The following PDE3B variants were observed in gnomAD, a reference collection of about 807,000 sequenced individuals.
PDE3B encodes cGMP-inhibited 3',5'-cyclic phosphodiesterase 3B.
Under a neutral mutation model 116.8 loss-of-function variants are expected in PDE3B, and 66 were observed. The observed-to-expected ratio is 0.56, with a 90% confidence interval of 0.46 to 0.69. The LOEUF (loss-of-function observed/expected upper bound fraction) is 0.69, where lower values mean the gene tolerates loss of function less well. Ranked by LOEUF, PDE3B falls within the 30% of genes least tolerant of loss-of-function variation. PDE3B has a pLI of 0.00. For missense variants in PDE3B, 1,384 were observed against 1,368.1 expected (o/e 1.01, Z -0.18); for synonymous variants, 595 against 533.6 (o/e 1.12, Z -1.59).
At chr11:14,821,680 C>T (rs1334746639) in intron 7 of PDE3B, among the ~76,000 whole-genome samples, 1 of 152,068 alleles carries the variant, frequency 6.6e-6, no homozygotes, top group Non-Finnish European at 1.5e-5. Flanking sequence ...ATTTTCTAAA[C>T]AGTAATACTT....
the PDE3B span, among the ~76,000 whole-genome samples, chr11:14,895,009 AACAGAGAACAGCAATGCTG>A: frequency 6.6e-6 from 1 of 152,232 alleles, no homozygotes; most frequent in Non-Finnish European, 1.5e-5. Context: ...TAATGGTTCT[AACAGAGAACAGCAATGCTG>A]TGCCAGAATC....
At position 14,644,657 on chromosome 11, in the gene PDE3B, G is replaced by T; in HGVS notation, c.582G>T (p.Ala194=). The change falls in exon 1 of 16, where the codon GCG becomes GCT. Residue 194 remains alanine, a synonymous_variant. Transcript: ENST00000282096. ...AAPHTPPEAA[A]GRLLLVLSCV... The stretch of plus-strand genomic sequence containing the variant: ...CGCACACGCCCCCGGAGGCGGCAGC[G>T]GGCAGGTTGCTGCTGGTGCTGAGCT... 1 of 1,499,308 alleles carries T rather than the reference G, an allele frequency of 6.7e-7. No homozygotes were observed. Among genetic ancestry groups the T allele is most frequent in the Non-Finnish European group, 8.9e-7 (1 of 1,128,014 alleles). The allele number at this position is 1,499,308 out of a possible 1,614,324, so 92.9% of individuals were successfully genotyped here. A position where few individuals can be genotyped will look rare whatever the true frequency, so the allele number is the denominator to read the frequency against.
chr11:14,721,569 A>G (rs1379569233), intron 1 of PDE3B, among the ~76,000 whole-genome samples: 4 of 151,266 alleles, frequency 2.6e-5, no homozygotes, highest in African/African-American at 9.8e-5. Context: ...TGTGGCACAT[A>G]TACACCATGG....
chr11:14,738,306 C>G (rs1856661008), intron 1 of PDE3B, among the ~76,000 whole-genome samples: 1 of 152,210 alleles, frequency 6.6e-6, no homozygotes, highest in Non-Finnish European at 1.5e-5. Context: ...TTAGTGATCG[C>G]CATTCTAACT....
intron 12 of PDE3B, among the ~76,000 whole-genome samples, chr11:14,846,150 A>T (rs1408989617): frequency 6.6e-6 from 1 of 152,180 alleles, no homozygotes. Context: ...CTCAGCAGAA[A>T]CTCTACAAGC....
At chr11:14,850,039 G>A (rs973755622) in intron 12 of PDE3B, among the ~76,000 whole-genome samples, 8 of 152,050 alleles carry the variant, frequency 5.3e-5, no homozygotes, top group African/African-American at 9.7e-5. Context: ...ACATGCACAC[G>A]TATGTTTATT....
At chr11:14,790,953 G>A (rs959815604) in intron 4 of PDE3B, among the ~76,000 whole-genome samples, 1 of 152,050 alleles carries the variant, frequency 6.6e-6, no homozygotes, top group Non-Finnish European at 1.5e-5. Context: ...GATGGAAATA[G>A]TTTATATCTG....
chr11:14,868,607 A>T (rs1848090018), intron 15 of PDE3B, among the ~76,000 whole-genome samples: 1 of 152,198 alleles, frequency 6.6e-6, no homozygotes, highest in South Asian at 2.1e-4. Context: ...GAATGAAATC[A>T]GTTATTTGCT....
chr11:14,850,380 C>T (rs957837133), intron 12 of PDE3B, among the ~76,000 whole-genome samples: 4 of 151,932 alleles, frequency 2.6e-5, no homozygotes, highest in Non-Finnish European at 2.9e-5. Flanking sequence ...GGAGATATAC[C>T]TAATGCTAAA....
intron 12 of PDE3B, 52 bp downstream of exon 12, chr11:14,844,078 A>G: frequency 1.5e-6 from 2 of 1,293,264 alleles, no homozygotes; most frequent in Middle Eastern, 1.8e-4. Flanking sequence ...ATTTTCAGTC[A>G]TGCTGTGTAT....
At chr11:14,840,149 G>T (rs1860177432) in intron 11 of PDE3B, among the ~76,000 whole-genome samples, 1 of 152,116 alleles carries the variant, frequency 6.6e-6, no homozygotes, top group African/African-American at 2.4e-5. Context: ...CCATCTGACT[G>T]CCAAAAGAAA....
chr11:14,787,058 TATC>T (rs927746924), intron 3 of PDE3B, among the ~76,000 whole-genome samples: 6 of 152,046 alleles, frequency 3.9e-5, no homozygotes, highest in African/African-American at 1.4e-4. Context: ...AAATGGTCAT[TATC>T]ATATTCATTT....
chr11:14,735,958 T>TTGTGTGTGTGTGTGTGTGTGTG (rs59099319), intron 1 of PDE3B, among the ~76,000 whole-genome samples: 1 of 142,926 alleles, frequency 7.0e-6, no homozygotes, highest in Non-Finnish European at 1.5e-5. Flanking sequence ...GAATAATAGG[T>TTGTGTGTGTGTGTGTGTGTGTG]TGTGTGTGTG....
chr11:14,773,326 T>A (rs1420927948), intron 2 of PDE3B: 1 of 152,098 alleles, frequency 6.6e-6, no homozygotes, highest in African/African-American at 2.4e-5. Context: ...AAGATGTATT[T>A]TGTTTAAATA....
intron 14 of PDE3B, 151 bp from the exon 15 acceptor site, chr11:14,867,355 T>TA: frequency 1.5e-6 from 1 of 649,074 alleles, no homozygotes; most frequent in Non-Finnish European, 2.6e-6. Context: ...GTTAAATTCT[T>TA]ACAGTTGAAA....
chr11:14,787,647 T>G (rs1361482615), intron 3 of PDE3B, among the ~76,000 whole-genome samples: 1 of 151,906 alleles, frequency 6.6e-6, no homozygotes, highest in African/African-American at 2.4e-5. Flanking sequence ...ATGTGATACT[T>G]TTATTTTTTT....
chr11:14,713,695 T>TACACACAC lies in PDE3B; in HGVS notation c.979-58217_979-58210dup, dbSNP rs68083046. On this transcript the variant is annotated intron_variant, in intron 1 of 15. Coordinates refer to ENST00000282096, the MANE Select transcript of PDE3B (RefSeq NM_000922.4). ...CTACTTCCTTATAATAAAAAATCTT[T>TACACACAC]ACACACACACACACACACACACACA... is the stretch of plus-strand genomic sequence containing the variant. Among the ~76,000 whole-genome samples the TACACACAC allele has an allele frequency of 1.5e-3, 219 of 149,888 alleles. 1 individual carries two copies. The highest frequency in any genetic ancestry group is 5.1e-3 in the African/African-American group (209 of 40,778).
At chr11:14,795,320 CAG>C (rs923862216) in intron 4 of PDE3B, among the ~76,000 whole-genome samples, 2 of 152,172 alleles carry the variant, frequency 1.3e-5, no homozygotes, top group Non-Finnish European at 2.9e-5. Flanking sequence ...TGCTAGGAAA[CAG>C]GGACTGGACT....
intron 1 of PDE3B, among the ~76,000 whole-genome samples, chr11:14,735,516 AG>A (rs1856571662): frequency 6.6e-6 from 1 of 152,212 alleles, no homozygotes; most frequent in African/African-American, 2.4e-5. Context: ...CAGAACGAAA[AG>A]GTGAAAGAAA....
Sources: allele counts gnomAD v4.1 joint callset (sites outside exome capture counted in the v4.1 genomes callset), GRCh38; gene constraint gnomAD v4.1.1; transcripts MANE v1.5; gene names NCBI Gene and HGNC (gene_info 2026-07-23, HGNC 2026-07-21).